The following CHODL variants were observed in gnomAD, a reference collection of about 807,000 sequenced individuals.
CHODL encodes the protein transmembrane protein MT75.
A neutral mutation model predicts 34.5 loss-of-function variants in CHODL; 29 were observed. The observed-to-expected ratio is 0.84, with a 90% CI of 0.63 to 1.15. CHODL has a LOEUF of 1.15. CHODL is among the 50% of genes most tolerant of loss of function. The pLI, the probability that CHODL is intolerant of heterozygous loss-of-function variation, is 0.00. For missense variants in CHODL, 332 were observed against 332.5 expected (o/e 1.00, Z 0.01); for synonymous variants, 125 against 116.1 (o/e 1.08, Z -0.49).
chr21:18,266,075 G>A lies in CHODL; in HGVS notation c.*37G>A. The A allele has an allele frequency of 6.2e-7, 1 of 1,613,656 alleles. No individual in the cohort carries two copies. Among genetic ancestry groups the A allele is most frequent in the Admixed American group, 1.7e-5 (1 of 59,984 alleles). On this transcript the variant is annotated 3_prime_UTR_variant, in exon 6 of 6. Coordinates refer to ENST00000299295, the MANE Select transcript of CHODL (RefSeq NM_024944.3). ...CTTGGTTCCAGAATTTTGTAATTCT[G>A]GATCTGTATAAGGAATGGCATCAGA...
chr21:18,254,134 C>CTTTT (rs34046207), intron 1 of CHODL, among the ~76,000 whole-genome samples: 19 of 145,484 alleles, frequency 1.3e-4, no homozygotes, highest in African/African-American at 4.5e-4. Context: ...AGTTTGAATG[C>CTTTT]TTTTTTTTTT....
rs368691260 is a variant in CHODL at position 18,109,334 on chromosome 21, G to C, written c.-45+81363G>C. ...TTAGCTTTTCTCCCAGTGAGAATGA[G>C]AATATATGATGTAGGTTTGGACTAT... On this transcript the variant is annotated intron_variant, in intron 2 of 6. Coordinates refer to the CHODL transcript ENST00000400127. 7.9e-5 allele frequency among the ~76,000 whole-genome samples: 12 copies of C among 152,200 alleles called. No individual in the cohort carries two copies. The East Asian group carries it at 1.9e-3, about 25-fold the overall frequency.
At chr21:18,069,993 C>CCTTCCCTTCT (rs2064778483) in intron 2 of CHODL, among the ~76,000 whole-genome samples, 3 of 66,164 alleles carry the variant, frequency 4.5e-5, no homozygotes, top group Non-Finnish European at 1.2e-4. Flanking sequence ...CTTTCCCTTC[C>CCTTCCCTTCT]CTTCCCTTCC....
intron 1 of CHODL, among the ~76,000 whole-genome samples, chr21:18,000,378 A>G (rs73194575): frequency 0.2 from 30,706 of 152,094 alleles, 4,549 homozygotes; most frequent in African/African-American, 0.41. Context: ...TGTAACTATG[A>G]TAACACTTTA....
intron 2 of CHODL, among the ~76,000 whole-genome samples, chr21:18,133,963 T>C (rs2072689321): frequency 6.6e-6 from 1 of 152,208 alleles, no homozygotes; most frequent in African/African-American, 2.4e-5. Flanking sequence ...TATATCTGTG[T>C]CTACTATTAT....
intron 1 of CHODL, among the ~76,000 whole-genome samples, chr21:18,027,122 A>AG (rs1216077413): frequency 1.3e-5 from 2 of 150,788 alleles, no homozygotes; most frequent in Admixed American, 1.3e-4. Flanking sequence ...TATGAAAAAA[A>AG]AATTAGCTGA....
chr21:18,122,742 A>G (rs2065495181), intron 2 of CHODL, among the ~76,000 whole-genome samples: 1 of 152,218 alleles, frequency 6.6e-6, no homozygotes, highest in Non-Finnish European at 1.5e-5. Flanking sequence ...ATGGCTGGAT[A>G]TTTAAAAAAT....
chr21:18,056,853 G>T (rs1172274903), intron 2 of CHODL, among the ~76,000 whole-genome samples: 1 of 151,926 alleles, frequency 6.6e-6, no homozygotes, highest in South Asian at 2.1e-4. Flanking sequence ...CCTCCCCATG[G>T]TTTTTTCCTT....
At chr21:18,217,492 C>A (rs1023093371) in intron 2 of CHODL, among the ~76,000 whole-genome samples, 1 of 151,984 alleles carries the variant, frequency 6.6e-6, no homozygotes. Context: ...GGGTAACTGC[C>A]CCCCCGACTC....
At chr21:18,238,348 G>C (rs2074048818) in intron 2 of CHODL, among the ~76,000 whole-genome samples, 1 of 152,060 alleles carries the variant, frequency 6.6e-6, no homozygotes, top group Non-Finnish European at 1.5e-5. Flanking sequence ...CATGGTGGGA[G>C]GCAAAAGGCA....
At chr21:18,210,245 G>A (rs1232098967) in intron 2 of CHODL, among the ~76,000 whole-genome samples, 1 of 152,152 alleles carries the variant, frequency 6.6e-6, no homozygotes, top group Non-Finnish European at 1.5e-5. Context: ...TATCCTCCAT[G>A]TTGCTTTCTG....
chr21:17,936,663 C>T lies in CHODL; in HGVS notation c.-145+19263C>T, dbSNP rs191212282. ...GAATCCAGCAGTGCAGGAAAGATGCCGTGGACATAAGTGGTAAAATATGAG... is the reference window on the plus strand; with the variant it reads ...GAATCCAGCAGTGCAGGAAAGATGCTGTGGACATAAGTGGTAAAATATGAG... On this transcript the variant is annotated intron_variant, in intron 1 of 6. Transcript: ENST00000400127. Among the ~76,000 whole-genome samples, 10 of 152,132 alleles carry T rather than the reference C, an allele frequency of 6.6e-5. No individual in the cohort carries two copies. The South Asian group carries it at 1.0e-3, about 16-fold the overall frequency.
chr21:18,221,691 T>C (rs938258464), intron 2 of CHODL, among the ~76,000 whole-genome samples: 2 of 152,220 alleles, frequency 1.3e-5, no homozygotes, highest in Admixed American at 1.3e-4. Flanking sequence ...TGCGGTTGTT[T>C]GGATACTCTG....
In CHODL at chr21:18,055,805, T is replaced by C. The variant is rs1315005008; in HGVS notation, c.-45+27834T>C. ...ACAGTGACAGAACATAGGGGGAGAGTAGAAATTTTATAGAATATGTTCATA... is the reference window on the plus strand; with the variant it reads ...ACAGTGACAGAACATAGGGGGAGAGCAGAAATTTTATAGAATATGTTCATA... On this transcript the variant is annotated intron_variant, in intron 2 of 6. Transcript: ENST00000400127. Among the ~76,000 whole-genome samples, 6 of 151,560 alleles carry C rather than the reference T, an allele frequency of 4.0e-5. No individual in the cohort carries two copies. The East Asian group carries it at 1.2e-3, about 30-fold the overall frequency.
intron 2 of CHODL, among the ~76,000 whole-genome samples, chr21:18,053,891 A>G (rs1465865378): frequency 6.6e-6 from 1 of 151,822 alleles, no homozygotes; most frequent in East Asian, 1.9e-4. Flanking sequence ...TAACATATAT[A>G]GTATGTGTGA....
chr21:18,220,963 T>C (rs1218926040), intron 2 of CHODL, among the ~76,000 whole-genome samples: 3 of 152,158 alleles, frequency 2.0e-5, no homozygotes, highest in Non-Finnish European at 4.4e-5. Context: ...TTTTCAGCCA[T>C]TATTTTGTTA....
At chr21:18,090,755 G>A (rs1051566003) in intron 2 of CHODL, among the ~76,000 whole-genome samples, 5 of 145,238 alleles carry the variant, frequency 3.4e-5, no homozygotes, top group African/African-American at 5.1e-5. Flanking sequence ...AACTAAGGCA[G>A]GTTACAGTAT....
chr21:17,961,462 A>G (rs2063531921), intron 1 of CHODL, among the ~76,000 whole-genome samples: 1 of 152,230 alleles, frequency 6.6e-6, no homozygotes, highest in Non-Finnish European at 1.5e-5. Flanking sequence ...AAGCTTCATT[A>G]TTTAAAATCT....
At position 17,927,198 on chromosome 21, in the gene CHODL, A is replaced by G. The variant is rs559446202; in HGVS notation, c.-145+9798A>G. The stretch of plus-strand genomic sequence containing the variant: ...TATGTATATATATGTATATGTATGT[A>G]TGTGTGTGTGTATATATATATATCC... On this transcript the variant is annotated intron_variant, in intron 1 of 6. Coordinates refer to the CHODL transcript ENST00000400127. Among the ~76,000 whole-genome samples, 109 of 148,380 alleles carry G rather than the reference A, an allele frequency of 7.3e-4. 1 individual carries two copies. The highest frequency in any genetic ancestry group is 2.2e-3 in the African/African-American group (90 of 40,804).
Sources: allele counts gnomAD v4.1 joint callset (sites outside exome capture counted in the v4.1 genomes callset), GRCh38; gene constraint gnomAD v4.1.1; transcripts MANE v1.5; gene names NCBI Gene and HGNC (gene_info 2026-07-23, HGNC 2026-07-21).